Variants in LCK observed in about 807,000 individuals in gnomAD.
LCK encodes tyrosine-protein kinase Lck.
In LCK, 14 loss-of-function variants were observed where a neutral mutation model predicts 64.6. The ratio of observed to expected loss-of-function variants is 0.22; its 90% CI spans 0.14 to 0.34. The LOEUF (loss-of-function observed/expected upper bound fraction) is 0.34. LCK is among the 10% of genes least tolerant of loss of function. LCK has a pLI of 1.00. For missense variants in LCK, 434 were observed against 668.1 expected (o/e 0.65, Z 3.86); for synonymous variants, 277 against 263.6 (o/e 1.05, Z -0.49).
chr1:32,264,164 A>G (rs1639854387), intron 1 of LCK, among the ~76,000 whole-genome samples: 1 of 152,186 alleles, frequency 6.6e-6, no homozygotes, highest in African/African-American at 2.4e-5. Context: ...ATATATACCC[A>G]GAAACGTGCA....
chr1:32,260,233 G>C (rs1338343970), intron 1 of LCK, among the ~76,000 whole-genome samples: 1 of 151,988 alleles, frequency 6.6e-6, no homozygotes, highest in Non-Finnish European at 1.5e-5. Flanking sequence ...GAATGGTCTC[G>C]ATCTCTTGAC....
At chr1:32,280,653 C>A (rs1010615248) in intron 12 of LCK, among the ~76,000 whole-genome samples, 1 of 151,880 alleles carries the variant, frequency 6.6e-6, no homozygotes, top group Non-Finnish European at 1.5e-5. Flanking sequence ...GACAGGGTTT[C>A]ACCATGTTAG....
intron 1 of LCK, among the ~76,000 whole-genome samples, chr1:32,253,972 A>T (rs1383087629): frequency 6.6e-6 from 1 of 152,064 alleles, no homozygotes; most frequent in Non-Finnish European, 1.5e-5. Flanking sequence ...TACATCCTAT[A>T]ACTCCATGCA....
chr1:32,260,131 C>G (rs1168770632), intron 1 of LCK, among the ~76,000 whole-genome samples: 1 of 151,884 alleles, frequency 6.6e-6, no homozygotes, highest in East Asian at 1.9e-4. Context: ...CCTGCCTCAG[C>G]CTTCCGAGTA....
intron 1 of LCK, among the ~76,000 whole-genome samples, chr1:32,265,682 T>C (rs1435218307): frequency 1.3e-5 from 2 of 152,136 alleles, no homozygotes; most frequent in African/African-American, 4.8e-5. Flanking sequence ...GGCCTTGTGA[T>C]TCCTTTTCCC....
chr1:32,264,700 T>C (rs1045053289), intron 1 of LCK, among the ~76,000 whole-genome samples: 2 of 152,158 alleles, frequency 1.3e-5, no homozygotes, highest in African/African-American at 2.4e-5. Context: ...GATCTCATGA[T>C]TTTAAAGTTT....
chr1:32,274,620 A>T, intron 2 of LCK, 117 bp from the exon 3 acceptor site: 1 of 975,626 alleles, frequency 1.0e-6, no homozygotes, highest in South Asian at 1.6e-5. Context: ...TAGTTGGTAA[A>T]CTCAGGGATA....
intron 1 of LCK, among the ~76,000 whole-genome samples, chr1:32,266,559 T>C (rs1639915298): frequency 6.7e-6 from 1 of 149,666 alleles, no homozygotes; most frequent in South Asian, 2.1e-4. Context: ...GGGCTGAGAT[T>C]ATAGGCCTGA....
intron 1 of LCK, among the ~76,000 whole-genome samples, chr1:32,260,768 T>C (rs550592989): frequency 6.7e-6 from 1 of 149,728 alleles, no homozygotes; most frequent in South Asian, 2.1e-4. Context: ...ACTACAGGCG[T>C]GCACCACCAC....
At chr1:32,274,056 C>T (rs1640180824) in intron 1 of LCK, 1 of 544,512 alleles carries the variant, frequency 1.8e-6, no homozygotes, top group Non-Finnish European at 3.2e-6. Context: ...ACAAAGGTGC[C>T]TGTGGCGGTT....
At chr1:32,280,794 G>A (rs1159982154) in intron 12 of LCK, among the ~76,000 whole-genome samples, 1 of 152,112 alleles carries the variant, frequency 6.6e-6, no homozygotes, top group Non-Finnish European at 1.5e-5. Flanking sequence ...GCCTGGTATG[G>A]TAGAAGAAGA....
intron 1 of LCK, among the ~76,000 whole-genome samples, chr1:32,256,344 C>A (rs1011845334): frequency 6.6e-6 from 1 of 151,940 alleles, no homozygotes; most frequent in African/African-American, 2.4e-5. Context: ...CTACTAAACT[C>A]CCAACACTTT....
At chr1:32,272,288 G>A (rs1640098368) in intron 1 of LCK, among the ~76,000 whole-genome samples, 1 of 151,426 alleles carries the variant, frequency 6.6e-6, no homozygotes, top group South Asian at 2.1e-4. Context: ...TTCAGCAGTT[G>A]GACAAAAGAG....
At chr1:32,266,273 A>C (rs1473776745) in intron 1 of LCK, among the ~76,000 whole-genome samples, 2 of 151,386 alleles carry the variant, frequency 1.3e-5, no homozygotes, top group Admixed American at 1.3e-4. Flanking sequence ...CGGGCAAATC[A>C]CAAGGTCAGG....
intron 1 of LCK, among the ~76,000 whole-genome samples, chr1:32,266,607 C>T (rs1365168895): frequency 1.3e-5 from 2 of 149,378 alleles, no homozygotes; most frequent in African/African-American, 2.5e-5. Flanking sequence ...CCTCCTCCGC[C>T]ACCACCACCT....
At chr1:32,271,494 T>A (rs537042835) in intron 1 of LCK, among the ~76,000 whole-genome samples, 2 of 152,110 alleles carry the variant, frequency 1.3e-5, no homozygotes, top group Non-Finnish European at 2.9e-5. Context: ...CCGGGCAACA[T>A]AGCAATACCC....
chr1:32,259,578 C>A (rs190890956), intron 1 of LCK, among the ~76,000 whole-genome samples: 1 of 151,242 alleles, frequency 6.6e-6, no homozygotes, highest in African/African-American at 2.4e-5. Flanking sequence ...CGAGATTGCA[C>A]CACTGCACTC....
In LCK at chr1:32,276,330, C is replaced by T. The variant is rs1330911748; in HGVS notation, c.632-7C>T. 14 of 1,558,656 alleles carry T rather than the reference C, an allele frequency of 9.0e-6. No individual in the cohort carries two copies. On this transcript the variant is annotated splice_polypyrimidine_tract_variant and splice_region_variant and intron_variant, in intron 7 of 12. Coordinates refer to ENST00000336890, the MANE Select transcript of LCK (RefSeq NM_005356.5). The surrounding 1 kb of genome is among the most constrained non-coding windows in gnomAD (Gnocchi z 4.6). ...TGACAGCCTTCACCCCTCCCTCGTCCTCGCAGATGCTTCAGATGGGCTGTG... is the reference window on the plus strand; with the variant it reads ...TGACAGCCTTCACCCCTCCCTCGTCTTCGCAGATGCTTCAGATGGGCTGTG...
At chr1:32,279,500 A>T in intron 9 of LCK, 171 bp from the exon 10 acceptor site, 1 of 1,324,514 alleles carries the variant, frequency 7.5e-7, no homozygotes, top group Non-Finnish European at 1.0e-6. Flanking sequence ...CTGCAAAAAA[A>T]CCTTTACATA....
Sources: allele counts gnomAD v4.1 joint callset (sites outside exome capture counted in the v4.1 genomes callset), GRCh38; gene constraint gnomAD v4.1.1; non-coding constraint Gnocchi (gnomAD v3.1); transcripts MANE v1.5; gene names NCBI Gene and HGNC (gene_info 2026-07-23, HGNC 2026-07-21).